PAX2: variants seen among roughly 807,000 people sequenced by gnomAD.
PAX2 encodes the protein paired box protein Pax-2.
A neutral mutation model predicts 41.7 loss-of-function variants in PAX2; 9 were observed. The ratio of observed to expected loss-of-function variants is 0.22; its 90% CI spans 0.13 to 0.38. The LOEUF (loss-of-function observed/expected upper bound fraction) is 0.38. Ranked by LOEUF, PAX2 falls within the 10% of genes least tolerant of loss-of-function variation. PAX2 has a pLI of 1.00. For synonymous variants in PAX2, 221 were observed against 212.7 expected, an observed-to-expected ratio of 1.04 and a Z score of -0.34; for missense variants, 418 against 531.6, an observed-to-expected ratio of 0.79 and a Z score of 2.10.
At chr10:100,787,195 G>A (rs987207044) in intron 5 of PAX2, among the ~76,000 whole-genome samples, 2 of 152,146 alleles carry the variant, frequency 1.3e-5, no homozygotes, top group Non-Finnish European at 2.9e-5. Context: ...TTCCGCCATG[G>A]GCCACTGATG....
At chr10:100,820,575 C>T (rs1044694374) in intron 7 of PAX2, among the ~76,000 whole-genome samples, 5 of 152,238 alleles carry the variant, frequency 3.3e-5, no homozygotes, top group Admixed American at 2.0e-4. Context: ...AAAAATTAGA[C>T]GGGCATGGTG....
rs1848725774 is a variant in PAX2 at position 100,829,791 on chromosome 10, A to ACCCAGG, written c.*2181_*2186dup. The ACCCAGG allele has an allele frequency of 4.9e-6, 1 of 204,408 alleles. No individual in the cohort carries two copies. Among genetic ancestry groups the ACCCAGG allele is most frequent in the Admixed American group, 6.0e-5 (1 of 16,746 alleles). The allele number at this position is 204,408 out of a possible 1,614,324, so 12.7% of individuals were successfully genotyped here. On this transcript the variant is annotated 3_prime_UTR_variant, in exon 10 of 10. Transcript: ENST00000355243. The stretch of plus-strand genomic sequence containing the variant: ...GGGGCTGGCCGGGCAGAGACCCCGG[A>ACCCAGG]CCCAGGCCCAGGCCTAACCTGCTAA...
intron 7 of PAX2, among the ~76,000 whole-genome samples, chr10:100,821,066 G>C (rs1001956656): frequency 1.3e-5 from 2 of 152,198 alleles, no homozygotes; most frequent in African/African-American, 4.8e-5. Flanking sequence ...GTCGATTCTT[G>C]CTTGCACAGA....
intron 5 of PAX2, among the ~76,000 whole-genome samples, chr10:100,786,463 T>C (rs1001436250): frequency 3.9e-5 from 6 of 152,272 alleles, no homozygotes; most frequent in African/African-American, 1.4e-4. Flanking sequence ...AAATGTATGT[T>C]TGTTTTATAA....
At chr10:100,745,211 G>C (rs978787072), upstream of PAX2, among the ~76,000 whole-genome samples, 9 of 152,204 alleles carry the variant, frequency 5.9e-5, no homozygotes, top group African/African-American at 2.2e-4. Context: ...ATATTCATTA[G>C]ACTGACCGCT....
intron 5 of PAX2, among the ~76,000 whole-genome samples, chr10:100,789,926 T>G (rs1847033225): frequency 6.6e-6 from 1 of 152,194 alleles, no homozygotes. Flanking sequence ...TAGAAGGACC[T>G]TTATCTTGGG....
At chr10:100,788,234 C>A (rs1338270237) in intron 5 of PAX2, among the ~76,000 whole-genome samples, 1 of 152,222 alleles carries the variant, frequency 6.6e-6, no homozygotes, top group East Asian at 1.9e-4. Context: ...AAACCAATTA[C>A]CTGAGCAGCT....
rs186932095 is a variant in PAX2, at chr10:100,814,246, G to A, written c.919+5010G>A. ...AGGCGCCTGTAGTCCCAGCTACTTC[G>A]GAGGCTGAGGCAGGAATATCACTTG... On this transcript the variant is annotated intron_variant, in intron 7 of 9. Coordinates refer to ENST00000355243, the MANE Select transcript of PAX2 (RefSeq NM_000278.5). 2.3e-4 allele frequency among the ~76,000 whole-genome samples: 34 copies of A among 150,620 alleles called. No homozygotes were observed. The East Asian group carries it at 2.8e-3, about 12-fold the overall frequency.
At chr10:100,789,209 G>A (rs1346469973) in intron 5 of PAX2, among the ~76,000 whole-genome samples, 4 of 152,162 alleles carry the variant, frequency 2.6e-5, no homozygotes, top group African/African-American at 7.2e-5. Flanking sequence ...CAGTTCAAGC[G>A]ATTCTCCTGT....
At chr10:100,815,507 GCCT>G (rs1203710577) in intron 7 of PAX2, among the ~76,000 whole-genome samples, 1 of 152,180 alleles carries the variant, frequency 6.6e-6, no homozygotes, top group African/African-American at 2.4e-5. Flanking sequence ...AAAGAGGCTA[GCCT>G]CCTTCAAACA....
intron 7 of PAX2, among the ~76,000 whole-genome samples, chr10:100,813,877 A>G (rs1316640356): frequency 2.6e-5 from 4 of 152,144 alleles, no homozygotes; most frequent in African/African-American, 9.7e-5. Flanking sequence ...GGGAAGAAAA[A>G]ACCCCACCAC....
rs1042085068 is a variant in PAX2 at position 100,760,223 on chromosome 10, C to T, written c.410+9332C>T. Among the ~76,000 whole-genome samples the T allele has an allele frequency of 5.3e-5, 8 of 152,154 alleles. No individual in the cohort carries two copies. The East Asian group carries it at 5.8e-4, about 11-fold the overall frequency. ...ATGGCCCTGGCTCCCAGGGAACTCT[C>T]GAAAGGAGTCAGTCTTGTCAAACTG... On this transcript the variant is annotated intron_variant, in intron 3 of 9. Coordinates refer to ENST00000355243, the MANE Select transcript of PAX2 (RefSeq NM_000278.5).
At chr10:100,749,289 A>G (rs564049882) in intron 1 of PAX2, 16 of 997,378 alleles carry the variant, frequency 1.6e-5, no homozygotes, top group South Asian at 9.3e-5. Context: ...GACGCCCCCA[A>G]ATCGTCCGCC....
chr10:100,773,699 T>G (rs1846289595), intron 3 of PAX2, among the ~76,000 whole-genome samples: 1 of 152,116 alleles, frequency 6.6e-6, no homozygotes, highest in South Asian at 2.1e-4. Context: ...CCTGGAGAAT[T>G]GATATACCTG....
rs184148309 is a variant in PAX2, at chr10:100,740,540, C to T, written c.25+4807C>T. 9.3e-4 allele frequency among the ~76,000 whole-genome samples: 141 copies of T among 152,350 alleles called. 1 individual carries two copies. The highest frequency in any genetic ancestry group is 8.3e-3 in the Admixed American group (127 of 15,306). ...CTGCCCTACCTTAGCACTCAGATCC[C>T]TCCTTTACCTCTTTGTGAAAGGGTA... On this transcript the variant is annotated intron_variant, in intron 1 of 9. Transcript: ENST00000679374.
chr10:100,805,573 A>G (rs1199656201), intron 5 of PAX2, among the ~76,000 whole-genome samples: 1 of 152,200 alleles, frequency 6.6e-6, no homozygotes, highest in Admixed American at 6.5e-5. Flanking sequence ...CGCCTGAGGA[A>G]AGGGGACATG....
intron 5 of PAX2, among the ~76,000 whole-genome samples, chr10:100,804,977 TTCTCTCTCTCTCTCTCTCTCCTTCTC>T (rs1330066594): frequency 1.4e-5 from 1 of 71,982 alleles, no homozygotes; most frequent in East Asian, 4.0e-4. Context: ...CTCTCTCTCC[TTCTCTCTCTCTCTCTCTCTCCTTCTC>T]TCTCTCTCTC....
rs1353235791 is a variant in PAX2, at chr10:100,826,381, C to T, written c.1022-628C>T. The stretch of plus-strand genomic sequence containing the variant: ...GGGAGGTAGCTTCCGACGACGGCTC[C>T]CAACCCACGGGCCCTCCGCTCACCG... On this transcript the variant is annotated intron_variant, in intron 8 of 9. Coordinates refer to ENST00000355243, the MANE Select transcript of PAX2 (RefSeq NM_000278.5). This position sits in a 1 kb window ranked among gnomAD's most constrained non-coding sequence, Gnocchi z 5.5. Among the ~76,000 whole-genome samples, 1 of 152,170 alleles carries T rather than the reference C, an allele frequency of 6.6e-6. No individual in the cohort carries two copies. Among genetic ancestry groups the T allele is most frequent in the Admixed American group, 6.5e-5 (1 of 15,278 alleles).
intron 3 of PAX2, among the ~76,000 whole-genome samples, chr10:100,773,476 A>G (rs1846281244): frequency 6.6e-6 from 1 of 152,206 alleles, no homozygotes; most frequent in Non-Finnish European, 1.5e-5. Flanking sequence ...ATAATGCAAT[A>G]TAATATCATA....
Sources: gnomAD v4.1 joint callset for allele counts (sites outside exome capture counted in the v4.1 genomes callset) on GRCh38, gnomAD v4.1.1 for gene constraint, Gnocchi (gnomAD v3.1) non-coding constraint, MANE v1.5 for transcripts, NCBI Gene and HGNC (gene_info 2026-07-23, HGNC 2026-07-21) for gene names.